The following NSG1 variants were observed in gnomAD, a reference collection of about 807,000 sequenced individuals.
NSG1 encodes the protein neuronal vesicle trafficking-associated protein 1.
In NSG1, 9 loss-of-function variants were observed where a neutral mutation model predicts 19.3. That is an observed-to-expected ratio of 0.47 (90% CI 0.28 to 0.81). The LOEUF (loss-of-function observed/expected upper bound fraction) is 0.81. Ranked by LOEUF, NSG1 falls within the 40% of genes least tolerant of loss-of-function variation. NSG1 has a pLI of 0.11. For missense variants in NSG1, 236 were observed against 242.4 expected (o/e 0.97, Z 0.18); for synonymous variants, 104 against 107.0 (o/e 0.97, Z 0.17).
At chr4:4,387,561 C>CCGGGGGTGGGGGGGGGGG in intron 1 of NSG1, 43 bp from the exon 2 acceptor site, 1 of 1,141,992 alleles carries the variant, frequency 8.8e-7, no homozygotes, top group Non-Finnish European at 1.2e-6. Context: ...CGCCCCGCCC[C>CCGGGGGTGGGGGGGGGGG]GGGTCTTGCT....
intron 2 of NSG1, 100 bp downstream of exon 2, chr4:4,387,858 A>G: frequency 9.8e-7 from 1 of 1,021,584 alleles, no homozygotes; most frequent in Non-Finnish European, 1.5e-6. Context: ...TGGGTACGCG[A>G]AGTGGGGGCG....
chr4:4,417,555 C>A lies in NSG1; in HGVS notation c.*120C>A. 1.0e-6 allele frequency: 1 copy of A among 990,738 alleles called. No individual in the cohort carries two copies. Among genetic ancestry groups the A allele is most frequent in the Non-Finnish European group, 1.5e-6 (1 of 671,918 alleles). 61.4% of individuals were successfully genotyped at this position (990,738 alleles called of 1,614,324 possible). On this transcript the variant is annotated 3_prime_UTR_variant, in exon 5 of 5. Coordinates refer to ENST00000621129, the MANE Select transcript of NSG1 (RefSeq NM_014392.5). ...TTACTCATTTACGGTGCAATTGCTT[C>A]TGTTTGCTAATGCTGCTTTGCAAAT...
chr4:4,393,203 C>G (rs531123247), intron 3 of NSG1, among the ~76,000 whole-genome samples: 6 of 152,286 alleles, frequency 3.9e-5, no homozygotes, highest in African/African-American at 1.4e-4. Flanking sequence ...CTTTCCCAGC[C>G]CCGGCGTTTT....
At chr4:4,391,707 C>T in intron 3 of NSG1, 116 bp downstream of exon 3, 2 of 597,786 alleles carry the variant, frequency 3.3e-6, no homozygotes, top group Non-Finnish European at 5.9e-6. Context: ...TGGGCTCATC[C>T]CAGCTGTGCA....
intron 4 of NSG1, chr4:4,415,715 CGGGGCCG>C: frequency 6.8e-6 from 1 of 147,192 alleles, no homozygotes; most frequent in Non-Finnish European, 1.5e-5. Flanking sequence ...CAGCCCTGAG[CGGGGCCG>C]CCACTCCACA....
chr4:4,387,547 C>G, intron 1 of NSG1, 57 bp from the exon 2 acceptor site: 1 of 549,866 alleles, frequency 1.8e-6, no homozygotes, highest in Non-Finnish European at 3.3e-6. Flanking sequence ...GCCCACTTCC[C>G]CCCCGCCCCG....
intron 4 of NSG1, among the ~76,000 whole-genome samples, chr4:4,410,569 C>T (rs772629826): frequency 1.1e-4 from 17 of 152,072 alleles, no homozygotes; most frequent in Middle Eastern, 3.2e-3. Context: ...AGTTGTCACA[C>T]GATGGTAAGT....
At chr4:4,390,922 G>A (rs965594959) in intron 2 of NSG1, among the ~76,000 whole-genome samples, 5 of 152,024 alleles carry the variant, frequency 3.3e-5, no homozygotes, top group African/African-American at 1.2e-4. Context: ...TGGGGGCTGT[G>A]GCAGGGGCAG....
At chr4:4,399,227 C>T (rs912405477) in intron 3 of NSG1, among the ~76,000 whole-genome samples, 2 of 152,168 alleles carry the variant, frequency 1.3e-5, no homozygotes, top group Non-Finnish European at 2.9e-5. Context: ...ACTGCAGCCT[C>T]GACCTCCTGG....
intron 2 of NSG1, among the ~76,000 whole-genome samples, chr4:4,390,033 T>C (rs1488858030): frequency 2.0e-5 from 3 of 152,116 alleles, no homozygotes; most frequent in Non-Finnish European, 4.4e-5. Flanking sequence ...AGAATCCAGG[T>C]CGACAGAATA....
intron 3 of NSG1, among the ~76,000 whole-genome samples, chr4:4,405,660 C>T (rs1723814457): frequency 1.3e-5 from 2 of 152,302 alleles, no homozygotes; most frequent in African/African-American, 4.8e-5. Context: ...GACCCCAGCT[C>T]CAGAGTCTGC....
At chr4:4,398,044 C>A (rs1046895205) in intron 3 of NSG1, among the ~76,000 whole-genome samples, 1 of 152,136 alleles carries the variant, frequency 6.6e-6, no homozygotes, top group African/African-American at 2.4e-5. Context: ...ACCTCCACCC[C>A]ACCAGGTTCA....
Position 4,391,511 on chromosome 4 carries a change from C to T in NSG1, c.166C>T (p.Arg56Cys), listed in dbSNP as rs761111231. ...VKTKTEYEPD[R>C]KKGKARPPQI... ...AACTAAGACCGAGTATGAACCTGACCGCAAGAAAGGGAAAGCACGTCCTCC... is the reference window on the plus strand; with the variant it reads ...AACTAAGACCGAGTATGAACCTGACTGCAAGAAAGGGAAAGCACGTCCTCC... The change falls in exon 3 of 5, where the codon CGC becomes TGC. Residue 56 changes from arginine to cysteine, a missense_variant. Transcript: ENST00000621129. 2.0e-5 allele frequency: 32 copies of T among 1,613,126 alleles called. No individual in the cohort carries two copies. The highest frequency in any genetic ancestry group is 4.0e-5 in the African/African-American group (3 of 74,782).
chr4:4,387,782 C>G, intron 2 of NSG1, 24 bp downstream of exon 2: 1 of 1,576,654 alleles, frequency 6.3e-7, no homozygotes, highest in Non-Finnish European at 8.7e-7. Context: ...CGCCCCTCCA[C>G]GTTGCCGGGT....
intron 1 of NSG1, 39 bp from the exon 2 acceptor site, chr4:4,387,563 GGT>G: frequency 2.0e-6 from 2 of 990,926 alleles, no homozygotes; most frequent in Non-Finnish European, 3.0e-6. Context: ...CCCCGCCCCG[GGT>G]CTTGCTTGTG....
At position 4,389,609 on chromosome 4, in the gene NSG1, C is replaced by T. The variant is rs954181073; in HGVS notation, c.129+1851C>T. On this transcript the variant is annotated intron_variant, in intron 2 of 4. Transcript: ENST00000621129. ...TGTGCTTGGAGCCAGATGTCTCTCA[C>T]GTAAGACCTCTCTTAACCTGAACAA... Among the ~76,000 whole-genome samples, 14 of 152,174 alleles carry T rather than the reference C, an allele frequency of 9.2e-5. 2 individuals are homozygous for T. Among genetic ancestry groups the T allele is most frequent in the Admixed American group, 8.5e-4 (13 of 15,288 alleles).
intron 3 of NSG1, among the ~76,000 whole-genome samples, chr4:4,396,218 G>T (rs1269619264): frequency 4.6e-5 from 7 of 152,168 alleles, no homozygotes; most frequent in African/African-American, 1.7e-4. Context: ...AGAGTGGCGG[G>T]TCGGGGCTGC....
chr4:4,393,065 T>G (rs1222996289), intron 3 of NSG1, among the ~76,000 whole-genome samples: 1 of 152,180 alleles, frequency 6.6e-6, no homozygotes, highest in Non-Finnish European at 1.5e-5. Flanking sequence ...CACCCTGGGT[T>G]TGGCTGCTGT....
rs939863405 is a variant in NSG1, at chr4:4,411,717, C to A, written c.357+2034C>A. On this transcript the variant is annotated intron_variant, in intron 4 of 4. Transcript: ENST00000621129. The stretch of plus-strand genomic sequence containing the variant: ...TGAGATCATGCCACTGCACTCCAGC[C>A]TGGGCAACAGAGGGAGACTCCGTCT... Among the ~76,000 whole-genome samples the A allele has an allele frequency of 1.4e-5, 2 of 148,144 alleles. 1 individual carries two copies. Among genetic ancestry groups the A allele is most frequent in the Admixed American group, 1.3e-4 (2 of 14,978 alleles).
Sources: allele counts gnomAD v4.1 joint callset (sites outside exome capture counted in the v4.1 genomes callset), GRCh38; gene constraint gnomAD v4.1.1; transcripts MANE v1.5; gene names NCBI Gene and HGNC (gene_info 2026-07-23, HGNC 2026-07-21).